The following PACS2 variants were observed in gnomAD, a reference collection of about 807,000 sequenced individuals.
PACS2 encodes the protein phosphofurin acidic cluster sorting protein 2.
In PACS2, 36 loss-of-function variants were observed where a neutral mutation model predicts 113.0. The ratio of observed to expected loss-of-function variants is 0.32; its 90% CI spans 0.24 to 0.42. PACS2 has a LOEUF of 0.42. PACS2 is among the 10% of genes least tolerant of loss of function. PACS2 has a pLI of 1.00. For synonymous variants in PACS2, 589 were observed against 536.1 expected, an observed-to-expected ratio of 1.10 and a Z score of -1.36; for missense variants, 1,015 against 1,239.5, an observed-to-expected ratio of 0.82 and a Z score of 2.72.
In PACS2 at chr14:105,376,413, TG is replaced by T. The variant is rs1390527103; in HGVS notation, c.802-352del. ...TAGAGGAAGGCAAAGGGGAGCCTCC[TG>T]GGTGTGGGGAGCACTTTCTGTCTTG... On this transcript the variant is annotated intron_variant, in intron 8 of 24. Coordinates refer to ENST00000447393, the MANE Select transcript of PACS2 (RefSeq NM_001100913.3). The surrounding 1 kb of genome is among the most constrained non-coding windows in gnomAD (Gnocchi z 4.7). 6.6e-6 allele frequency among the ~76,000 whole-genome samples: 1 copy of T among 152,106 alleles called. No homozygotes were observed. Among genetic ancestry groups the T allele is most frequent in the Admixed American group, 6.5e-5 (1 of 15,282 alleles).
intron 1 of PACS2, among the ~76,000 whole-genome samples, chr14:105,303,120 G>A (rs902355135): frequency 2.6e-5 from 4 of 152,240 alleles, no homozygotes; most frequent in Admixed American, 1.3e-4. Flanking sequence ...GTAGAGATGG[G>A]GTTTCACCAT....
intron 1 of PACS2, among the ~76,000 whole-genome samples, chr14:105,341,996 G>A (rs1157261815): frequency 2.6e-5 from 4 of 152,198 alleles, no homozygotes; most frequent in African/African-American, 9.7e-5. Flanking sequence ...CTGCATAGAT[G>A]GTGAGCACTG....
In PACS2 at chr14:105,323,148, C is replaced by T. The variant is rs139913949; in HGVS notation, c.119+8111C>T. On this transcript the variant is annotated intron_variant, in intron 1 of 24. Coordinates refer to ENST00000447393, the MANE Select transcript of PACS2 (RefSeq NM_001100913.3). This position sits in a 1 kb window ranked among gnomAD's most constrained non-coding sequence, Gnocchi z 4.1. ...TGGGTTCTCTTGTGATTGCCTGAGT[C>T]GGGGTTACTAGACTTGCTGACTTTG... Among the ~76,000 whole-genome samples, 347 of 152,264 alleles carry T rather than the reference C, an allele frequency of 2.3e-3. 2 individuals carry two copies. The highest frequency in any genetic ancestry group is 7.9e-3 in the African/African-American group (328 of 41,544).
chr14:105,371,317 G>C (rs1490087076), intron 8 of PACS2: 1 of 152,244 alleles, frequency 6.6e-6, no homozygotes, highest in East Asian at 1.9e-4. Context: ...TCAGGGGTGG[G>C]TGTTCTTGGT....
chr14:105,391,041 T>C, intron 20 of PACS2, 166 bp from the exon 21 acceptor site: 1 of 645,780 alleles, frequency 1.5e-6, no homozygotes, highest in Non-Finnish European at 2.8e-6. Context: ...TGAGCTCAGC[T>C]CTGCTCCACA....
Position 105,382,500 on chromosome 14 carries a change from C to T in PACS2, c.1437C>T (p.Asp479=), listed in dbSNP as rs781824809. Residue 479 remains aspartate, a synonymous_variant, in exon 14 of 25, where the codon GAC becomes GAT. Transcript: ENST00000447393. The part of the protein sequence containing the change: ...QLQIPRKTVY[D]QLNHILISDD... ...AGATCCCCAGGAAGACTGTGTATGA[C>T]CAGCTCAACCACATCCTCATCTCCG... 9 of 1,609,762 alleles carry T rather than the reference C, an allele frequency of 5.6e-6. No homozygotes were observed. Among genetic ancestry groups the T allele is most frequent in the South Asian group, 1.1e-5 (1 of 91,006 alleles).
chr14:105,319,838 A>C (rs1566898523), intron 1 of PACS2, among the ~76,000 whole-genome samples: 1 of 152,244 alleles, frequency 6.6e-6, no homozygotes, highest in East Asian at 1.9e-4. Flanking sequence ...AAAAAGTCTC[A>C]TCCTATTCAT....
intron 1 of PACS2, chr14:105,336,472 C>A (rs587745930): frequency 6.6e-6 from 1 of 152,394 alleles, no homozygotes; most frequent in African/African-American, 2.4e-5. Context: ...AGTGGCTGGG[C>A]GGAAGAGATC....
At chr14:105,314,716 C>T (rs1260676242), upstream of PACS2, 2 of 141,990 alleles carry the variant, frequency 1.4e-5, no homozygotes, top group Non-Finnish European at 3.1e-5. Flanking sequence ...GGGGCGCGGG[C>T]GGGGCGCCGG....
rs1038948499 is a variant in PACS2, at chr14:105,314,752, C to T, written c.-167C>T. 24 of 151,090 alleles carry T rather than the reference C, an allele frequency of 1.6e-4. No homozygotes were observed. Among genetic ancestry groups the T allele is most frequent in the Non-Finnish European group, 2.9e-4 (21 of 71,234 alleles). The allele number at this position is 151,090 out of a possible 1,614,324, so 9.4% of individuals were successfully genotyped here. ...GCGGGGCGGGGCGGAGCGGCCGCAGCTCGTCGCCGCCCGCGGGCCTGTCCG... is the reference window on the plus strand; with the variant it reads ...GCGGGGCGGGGCGGAGCGGCCGCAGTTCGTCGCCGCCCGCGGGCCTGTCCG... On this transcript the variant is annotated 5_prime_UTR_variant, in exon 1 of 25. Coordinates refer to ENST00000447393, the MANE Select transcript of PACS2 (RefSeq NM_001100913.3).
At chr14:105,390,381 G>A in intron 20 of PACS2, 1 of 301,190 alleles carries the variant, frequency 3.3e-6, no homozygotes, top group Non-Finnish European at 6.5e-6. Flanking sequence ...GCTTCCCAGT[G>A]CTCACTTGGG....
intron 1 of PACS2, among the ~76,000 whole-genome samples, chr14:105,335,985 G>A (rs1042388940): frequency 3.1e-4 from 47 of 152,226 alleles, no homozygotes; most frequent in African/African-American, 9.6e-4. Flanking sequence ...ATGGCAGGGC[G>A]TGGGCTGAGC....
chr14:105,376,671 C>T lies in PACS2; in HGVS notation c.802-97C>T. 3 of 1,176,446 alleles carry T rather than the reference C, an allele frequency of 2.6e-6. No homozygotes were observed. The highest frequency in any genetic ancestry group is 3.6e-6 in the Non-Finnish European group (3 of 829,370). 72.9% of individuals were successfully genotyped at this position (1,176,446 alleles called of 1,614,324 possible). ...GAGGGGTTTGGTGGCTGGGTGCCCGCCTCCTATTGCTCCTGCAGACTCTGG... is the reference window on the plus strand; with the variant it reads ...GAGGGGTTTGGTGGCTGGGTGCCCGTCTCCTATTGCTCCTGCAGACTCTGG... On this transcript the variant is annotated intron_variant, in intron 8 of 24. Coordinates refer to ENST00000447393, the MANE Select transcript of PACS2 (RefSeq NM_001100913.3). The surrounding 1 kb of genome is among the most constrained non-coding windows in gnomAD (Gnocchi z 4.7).
intron 2 of PACS2, among the ~76,000 whole-genome samples, chr14:105,350,819 G>T (rs1421332716): frequency 1.3e-5 from 2 of 152,352 alleles, no homozygotes; most frequent in South Asian, 4.1e-4. Context: ...CATCTCTGAA[G>T]GGTCAAGGGG....
Position 105,348,574 on chromosome 14 carries a change from G to A in PACS2, c.201G>A (p.Lys67=). The A allele has an allele frequency of 1.9e-6, 3 of 1,610,092 alleles. No homozygotes were observed. Among genetic ancestry groups the A allele is most frequent in the Non-Finnish European group, 1.7e-6 (2 of 1,178,044 alleles). The part of the protein sequence containing the change: ...KELISVVIAV[K]MQGSKRILRS... ...TGATCTCCGTGGTGATCGCTGTCAA[G>A]ATGCAGGTGAGGCCGCTTGTGACCC... is the stretch of plus-strand genomic sequence containing the variant. The change falls in exon 2 of 25, where the codon AAG becomes AAA. Residue 67 remains lysine (K), a synonymous_variant. Coordinates refer to ENST00000447393, the MANE Select transcript of PACS2 (RefSeq NM_001100913.3). This position sits in a 1 kb window ranked among gnomAD's most constrained non-coding sequence, Gnocchi z 6.4.
chr14:105,340,360 G>A lies in PACS2; in HGVS notation c.120-8133G>A, dbSNP rs1047581641. Among the ~76,000 whole-genome samples, 2 of 152,174 alleles carry A rather than the reference G, an allele frequency of 1.3e-5. No individual in the cohort carries two copies. The highest frequency in any genetic ancestry group is 4.8e-5 in the African/African-American group (2 of 41,430). On this transcript the variant is annotated intron_variant, in intron 1 of 24. Coordinates refer to ENST00000447393, the MANE Select transcript of PACS2 (RefSeq NM_001100913.3). This position sits in a 1 kb window ranked among gnomAD's most constrained non-coding sequence, Gnocchi z 4.2. ...ATAATCTCATTGTGAAAAAGAGGAA[G>A]GAACAAATGGGGGAGTGGGATGGAT...
At chr14:105,360,555 A>G (rs1431466873) in intron 4 of PACS2, among the ~76,000 whole-genome samples, 162 of 151,756 alleles carry the variant, frequency 1.1e-3, no homozygotes, top group Middle Eastern at 3.4e-3. Context: ...AAAAAAAAAA[A>G]AAAGAAAAGA....
chr14:105,319,279 A>C (rs996930125), intron 1 of PACS2, among the ~76,000 whole-genome samples: 2 of 152,232 alleles, frequency 1.3e-5, no homozygotes, highest in African/African-American at 2.4e-5. Flanking sequence ...ACAAAGCCAC[A>C]TTTGGTTTAT....
At position 105,381,171 on chromosome 14, in the gene PACS2, C is replaced by T. The variant is rs1029236197; in HGVS notation, c.1268+72C>T. 1.2e-4 allele frequency: 172 copies of T among 1,398,284 alleles called. No homozygotes were observed. In the African/African-American group the frequency reaches 1.9e-3, roughly 15 times the overall value. 86.6% of individuals were successfully genotyped at this position (1,398,284 alleles called of 1,614,324 possible). ...GGGAGGGGCCGTCACGGGCATCAGT[C>T]GGGGTGGGTGCGTGTCAGTCCATCC... On this transcript the variant is annotated intron_variant, in intron 12 of 24. Coordinates refer to ENST00000447393, the MANE Select transcript of PACS2 (RefSeq NM_001100913.3).
Sources: gnomAD v4.1 joint callset for allele counts (sites outside exome capture counted in the v4.1 genomes callset) on GRCh38, gnomAD v4.1.1 for gene constraint, Gnocchi (gnomAD v3.1) non-coding constraint, MANE v1.5 for transcripts, NCBI Gene and HGNC (gene_info 2026-07-23, HGNC 2026-07-21) for gene names.